Variants in MAST4 observed in about 807,000 individuals in gnomAD.
The protein encoded by MAST4 is microtubule-associated serine/threonine-protein kinase 4.
A neutral mutation model predicts 162.7 loss-of-function variants in MAST4; 89 were observed. That is an observed-to-expected ratio of 0.55 (90% confidence interval 0.46 to 0.65). The LOEUF is 0.65. Among genes scored for constraint, MAST4 ranks in the 30% least tolerant of loss-of-function variants. MAST4 has a pLI of 0.00. For synonymous variants in MAST4, 1,479 were observed against 1,361.1 expected (o/e 1.09, Z -1.91); for missense variants, 3,153 against 3,374.0 (o/e 0.93, Z 1.62).
intron 3 of MAST4, among the ~76,000 whole-genome samples, chr5:66,890,442 T>G (rs777892918): frequency 6.6e-6 from 1 of 152,304 alleles, no homozygotes; most frequent in Non-Finnish European, 1.5e-5. Flanking sequence ...AAACCCATAA[T>G]AATTGACTAG....
In MAST4 at chr5:66,700,798, TATACACACACAC is replaced by T. The variant is rs1366878678; in HGVS notation, c.364-58909_364-58898del. On this transcript the variant is annotated intron_variant, in intron 1 of 28. Coordinates refer to ENST00000403625, the MANE Select transcript of MAST4 (RefSeq NM_001164664.2). Reference sequence around the variant, plus strand: ...AAAAAAAATTATATATATATATATATATACACACACACACACACACACACACACATATATACA... The same window carrying T: ...AAAAAAAATTATATATATATATATATACACACACACACACACATATATACA... Among the ~76,000 whole-genome samples the T allele has an allele frequency of 7.1e-3, 970 of 136,214 alleles. 4 individuals carry two copies. The highest frequency in any genetic ancestry group is 0.016 in the Middle Eastern group (4 of 254). 89.4% of individuals were successfully genotyped at this position (136,214 alleles called of 152,430 possible). A position where few individuals can be genotyped will look rare whatever the true frequency, so the allele number is the denominator to read the frequency against.
intron 2 of MAST4, among the ~76,000 whole-genome samples, chr5:66,765,153 A>G (rs1754034172): frequency 6.6e-6 from 1 of 152,184 alleles, no homozygotes; most frequent in East Asian, 1.9e-4. Flanking sequence ...AGGCTACACC[A>G]TCTAAGTTTG....
chr5:67,126,108 AAATTTGTT>A (rs1344949514), intron 14 of MAST4, among the ~76,000 whole-genome samples: 2 of 151,258 alleles, frequency 1.3e-5, no homozygotes, highest in Admixed American at 6.6e-5. Flanking sequence ...TTTTTCTTGT[AAATTTGTT>A]TAAGTTCTCT....
At chr5:66,604,553 C>T (rs78182868) in intron 1 of MAST4, among the ~76,000 whole-genome samples, 3,304 of 152,288 alleles carry the variant, frequency 0.022, 122 homozygotes, top group African/African-American at 0.075. Flanking sequence ...GCGGTGTTTT[C>T]AGTGGGCAGC....
intron 4 of MAST4, among the ~76,000 whole-genome samples, chr5:66,946,193 G>A (rs1744010186): frequency 6.6e-6 from 1 of 152,168 alleles, no homozygotes; most frequent in African/African-American, 2.4e-5. Flanking sequence ...GGAGCTGTGT[G>A]TGTGGAAGGT....
At chr5:66,750,259 G>C (rs1177043787) in intron 1 of MAST4, among the ~76,000 whole-genome samples, 1 of 152,194 alleles carries the variant, frequency 6.6e-6, no homozygotes, top group Non-Finnish European at 1.5e-5. Flanking sequence ...GTGCATACTG[G>C]ATGAGTCTTT....
chr5:66,667,365 C>A (rs1747327577), intron 1 of MAST4, among the ~76,000 whole-genome samples: 1 of 152,200 alleles, frequency 6.6e-6, no homozygotes, highest in Non-Finnish European at 1.5e-5. Flanking sequence ...ATACTTAATA[C>A]ACTACTGTAC....
rs574760069 is a variant in MAST4 at position 67,082,796 on chromosome 5, A to G, written c.764-7366A>G. 4.6e-5 allele frequency among the ~76,000 whole-genome samples: 7 copies of G among 152,336 alleles called. No homozygotes were observed. The East Asian group carries it at 1.2e-3, about 25-fold the overall frequency. ...AATAGTATTAAAATCCAAATTTAAA[A>G]ATATGGAGAGAAATAGTAATAAAGT... is the stretch of plus-strand genomic sequence containing the variant. On this transcript the variant is annotated intron_variant, in intron 5 of 28. Transcript: ENST00000403625.
chr5:66,775,265 G>T (rs1399673238), intron 2 of MAST4, among the ~76,000 whole-genome samples: 1 of 152,098 alleles, frequency 6.6e-6, no homozygotes, highest in Non-Finnish European at 1.5e-5. Context: ...ATGGCCATTT[G>T]GAGGGTGATT....
chr5:66,983,839 G>A (rs73766115), intron 4 of MAST4, among the ~76,000 whole-genome samples: 2,676 of 152,320 alleles, frequency 0.018, 71 homozygotes, highest in African/African-American at 0.057. Context: ...ACTTCAGATA[G>A]TGGGGTTTAC....
At chr5:67,115,357 G>A (rs187480528) in intron 12 of MAST4, among the ~76,000 whole-genome samples, 26 of 152,358 alleles carry the variant, frequency 1.7e-4, no homozygotes, top group African/African-American at 3.4e-4. Context: ...GGTGGTAAAT[G>A]TTGGCACAGA....
chr5:66,810,004 C>T (rs1323439821), intron 3 of MAST4, among the ~76,000 whole-genome samples: 1 of 152,114 alleles, frequency 6.6e-6, no homozygotes, highest in Non-Finnish European at 1.5e-5. Flanking sequence ...TTCCTGTGTC[C>T]TTTTTAATAG....
chr5:67,020,506 C>T (rs1174032453), intron 4 of MAST4, among the ~76,000 whole-genome samples: 1 of 152,326 alleles, frequency 6.6e-6, no homozygotes, highest in Admixed American at 6.5e-5. Flanking sequence ...GTTTAACGTC[C>T]TCCATATTTT....
chr5:66,864,114 A>T (rs554340097), intron 3 of MAST4, among the ~76,000 whole-genome samples: 5 of 152,324 alleles, frequency 3.3e-5, no homozygotes, highest in Admixed American at 3.3e-4. Context: ...TAGAAAACAA[A>T]TGAGACAAAG....
intron 4 of MAST4, among the ~76,000 whole-genome samples, chr5:67,010,978 G>A (rs142760988): frequency 2.6e-5 from 4 of 152,244 alleles, no homozygotes; most frequent in South Asian, 4.1e-4. Flanking sequence ...TGGCTGGCCC[G>A]TCAGCCCTCC....
intron 3 of MAST4, among the ~76,000 whole-genome samples, chr5:66,822,389 G>A (rs1340561776): frequency 6.6e-6 from 1 of 152,282 alleles, no homozygotes; most frequent in Non-Finnish European, 1.5e-5. Flanking sequence ...CAGAACCCCC[G>A]CAAGTTAGCA....
At chr5:67,010,056 C>T (rs1013303683) in intron 4 of MAST4, among the ~76,000 whole-genome samples, 1 of 152,104 alleles carries the variant, frequency 6.6e-6, no homozygotes, top group African/African-American at 2.4e-5. Flanking sequence ...AACACAAGAA[C>T]CTATATTATA....
chr5:66,703,648 T>C (rs1397326482), intron 1 of MAST4, among the ~76,000 whole-genome samples: 6 of 152,184 alleles, frequency 3.9e-5, no homozygotes, highest in Admixed American at 3.9e-4. Context: ...ATTCAATGAT[T>C]TTTTAGTAAA....
chr5:67,060,334 T>C (rs1051520704), intron 5 of MAST4, among the ~76,000 whole-genome samples: 4 of 152,074 alleles, frequency 2.6e-5, no homozygotes, highest in African/African-American at 9.7e-5. Context: ...ATGCAAATAA[T>C]TGAAAGTTAA....
Sources: allele counts gnomAD v4.1 joint callset (sites outside exome capture counted in the v4.1 genomes callset), GRCh38; gene constraint gnomAD v4.1.1; transcripts MANE v1.5; gene names NCBI Gene and HGNC (gene_info 2026-07-23, HGNC 2026-07-21).